The following STK32B variants were observed in gnomAD, a reference collection of about 807,000 sequenced individuals.
STK32B encodes the protein serine/threonine-protein kinase 32B.
In STK32B, 43 loss-of-function variants were observed where a neutral mutation model predicts 52.6. The observed-to-expected ratio is 0.82, with a 90% confidence interval of 0.64 to 1.05. The LOEUF is 1.05. Ranked by LOEUF, STK32B falls within the 50% of genes least tolerant of loss-of-function variation. The pLI is 0.00. For synonymous variants in STK32B, 238 were observed against 204.3 expected, an observed-to-expected ratio of 1.17 and a Z score of -1.41; for missense variants, 621 against 534.6, an observed-to-expected ratio of 1.16 and a Z score of -1.59.
At chr4:5,143,197 G>C (rs907027215) in intron 2 of STK32B, among the ~76,000 whole-genome samples, 3 of 152,044 alleles carry the variant, frequency 2.0e-5, no homozygotes, top group African/African-American at 7.2e-5. Flanking sequence ...ACTGATACAT[G>C]GCACAATAGT....
chr4:5,494,782 ATC>A (rs1365484650), intron 11 of STK32B, among the ~76,000 whole-genome samples: 1 of 151,714 alleles, frequency 6.6e-6, no homozygotes, highest in Non-Finnish European at 1.5e-5. Flanking sequence ...TGGTGACAAA[ATC>A]TCTCAGCGTT....
chr4:5,436,617 A>C, intron 6 of STK32B: 1 of 985,452 alleles, frequency 1.0e-6, no homozygotes, highest in Non-Finnish European at 1.2e-6. Context: ...GAAAACAAGC[A>C]TCAGAACATG....
At chr4:5,097,915 A>G (rs937137881) in intron 1 of STK32B, among the ~76,000 whole-genome samples, 1 of 152,212 alleles carries the variant, frequency 6.6e-6, no homozygotes, top group Non-Finnish European at 1.5e-5. Flanking sequence ...CTAGGCTTAG[A>G]TCATCTCAGA....
intron 3 of STK32B, among the ~76,000 whole-genome samples, chr4:5,305,430 T>G (rs28802393): frequency 0.073 from 11,144 of 152,148 alleles, 444 homozygotes; most frequent in South Asian, 0.099. Flanking sequence ...GCTTGTGTAT[T>G]TCCAGGAATT....
intron 1 of STK32B, among the ~76,000 whole-genome samples, chr4:5,088,963 A>G (rs1712893884): frequency 6.6e-6 from 1 of 151,838 alleles, no homozygotes; most frequent in Non-Finnish European, 1.5e-5. Context: ...AAATAAAGGA[A>G]CTAGAGAAGG....
chr4:5,413,618 C>A (rs1711899374), intron 5 of STK32B, among the ~76,000 whole-genome samples: 1 of 152,182 alleles, frequency 6.6e-6, no homozygotes, highest in South Asian at 2.1e-4. Flanking sequence ...TTTAAAACTT[C>A]TTTATAGCAA....
At chr4:5,353,959 A>G (rs534234132) in intron 4 of STK32B, among the ~76,000 whole-genome samples, 2 of 152,362 alleles carry the variant, frequency 1.3e-5, no homozygotes, top group South Asian at 4.1e-4. Context: ...ACTATTCACA[A>G]TTGCGAAGAT....
chr4:5,294,526 T>C (rs982588462), intron 3 of STK32B, among the ~76,000 whole-genome samples: 10 of 152,150 alleles, frequency 6.6e-5, no homozygotes, highest in African/African-American at 2.4e-4. Flanking sequence ...TTTTATTCTC[T>C]TTGTAGCAAT....
chr4:5,490,798 C>G (rs1719663569), intron 11 of STK32B, among the ~76,000 whole-genome samples: 1 of 152,066 alleles, frequency 6.6e-6, no homozygotes, highest in South Asian at 2.1e-4. Flanking sequence ...TGTTCAATTC[C>G]CAACTACGAG....
At chr4:5,403,278 T>C (rs1218938224) in intron 5 of STK32B, among the ~76,000 whole-genome samples, 1 of 152,184 alleles carries the variant, frequency 6.6e-6, no homozygotes, top group Non-Finnish European at 1.5e-5. Flanking sequence ...TCACTTCCTC[T>C]AATTCCCCTA....
intron 1 of STK32B, among the ~76,000 whole-genome samples, chr4:5,092,534 C>CA (rs527339612): frequency 0.18 from 15,479 of 86,560 alleles, 953 homozygotes; most frequent in Middle Eastern, 0.28. Context: ...GACTCCGTCT[C>CA]AAAAAAAAAA....
chr4:5,116,505 G>A (rs1714725202), intron 1 of STK32B, among the ~76,000 whole-genome samples: 1 of 152,120 alleles, frequency 6.6e-6, no homozygotes, highest in Non-Finnish European at 1.5e-5. Context: ...GGGGGAGTTA[G>A]AACACTTAAT....
At chr4:5,224,729 C>T (rs1485319280) in intron 3 of STK32B, among the ~76,000 whole-genome samples, 3 of 151,984 alleles carry the variant, frequency 2.0e-5, no homozygotes, top group Non-Finnish European at 1.5e-5. Flanking sequence ...ATCAATTCAT[C>T]ATTAATTAAT....
At chr4:5,234,504 A>G (rs1724494132) in intron 3 of STK32B, among the ~76,000 whole-genome samples, 1 of 76,642 alleles carries the variant, frequency 1.3e-5, no homozygotes, top group Non-Finnish European at 5.8e-5. Context: ...GCACATAGAA[A>G]GGGCTCAATA....
chr4:5,115,771 C>G (rs959885097), intron 1 of STK32B, among the ~76,000 whole-genome samples: 1 of 152,180 alleles, frequency 6.6e-6, no homozygotes, highest in Non-Finnish European at 1.5e-5. Flanking sequence ...AGACAAGCAT[C>G]TCTGCTCTTT....
intron 1 of STK32B, among the ~76,000 whole-genome samples, chr4:5,119,100 T>C (rs74325872): frequency 0.064 from 9,767 of 152,242 alleles, 1,020 homozygotes; most frequent in African/African-American, 0.22. Context: ...CATAAAAGGG[T>C]AAGGTTATTG....
rs867873217 is a variant in STK32B at position 5,273,736 on chromosome 4, G to C, written c.261-57484G>C. Reference sequence around the variant, plus strand: ...AAATCATCATTCTCAGTAAACTATCGCAAGAACAAAAAACCAAACACCACA... The same window carrying C: ...AAATCATCATTCTCAGTAAACTATCCCAAGAACAAAAAACCAAACACCACA... On this transcript the variant is annotated intron_variant, in intron 3 of 11. Coordinates refer to ENST00000282908, the MANE Select transcript of STK32B (RefSeq NM_018401.3). Among the ~76,000 whole-genome samples, 816 of 128,556 alleles carry C rather than the reference G, an allele frequency of 6.3e-3. 4 individuals carry two copies. The highest frequency in any genetic ancestry group is 0.013 in the African/African-American group (427 of 31,794). The allele number at this position is 128,556 out of a possible 152,430, so 84.3% of individuals were successfully genotyped here. A position where few individuals can be genotyped will look rare whatever the true frequency, so the allele number is the denominator to read the frequency against.
chr4:5,298,204 G>C (rs1232276214), intron 3 of STK32B, among the ~76,000 whole-genome samples: 1 of 152,190 alleles, frequency 6.6e-6, no homozygotes, highest in Non-Finnish European at 1.5e-5. Flanking sequence ...GAGCTCTCCT[G>C]TATAAGGTGT....
rs114571551 is a variant in STK32B at position 5,148,282 on chromosome 4, C to G, written c.108+8322C>G. Among the ~76,000 whole-genome samples, 1,358 of 151,718 alleles carry G rather than the reference C, an allele frequency of 9.0e-3. 16 individuals are homozygous for G. The highest frequency in any genetic ancestry group is 0.031 in the African/African-American group (1,291 of 41,482). On this transcript the variant is annotated intron_variant, in intron 2 of 11. Transcript: ENST00000282908. Reference sequence around the variant, plus strand: ...CTGATATTAGCAGTTTGCCTTCTTTCTCTTATTTTCTTCATCAGTTTATAA... The same window carrying G: ...CTGATATTAGCAGTTTGCCTTCTTTGTCTTATTTTCTTCATCAGTTTATAA...
Sources: allele counts gnomAD v4.1 joint callset (sites outside exome capture counted in the v4.1 genomes callset), GRCh38; gene constraint gnomAD v4.1.1; transcripts MANE v1.5; gene names NCBI Gene and HGNC (gene_info 2026-07-23, HGNC 2026-07-21).